Variants in PUDP observed in about 807,000 individuals in gnomAD.
PUDP encodes pseudouridine 5'-phosphatase, also known as pseudouridine-5'-phosphatase.
Under a neutral mutation model 9.4 loss-of-function variants are expected in PUDP, and 8 were observed. The ratio of observed to expected loss-of-function variants is 0.85; its 90% CI spans 0.50 to 1.53. The LOEUF is 1.53. Ranked by LOEUF, PUDP falls within the 40% of genes most tolerant of loss-of-function variation. The probability of loss-of-function intolerance (pLI) is 0.00; values close to 1 mark genes in which losing one functional copy is unlikely to be tolerated. For missense variants in PUDP, 188 were observed against 189.7 expected (o/e 0.99, Z 0.05); for synonymous variants, 99 against 80.7 (o/e 1.23, Z -1.22).
rs765241358 is a variant in PUDP at position 6,885,908 on chromosome X, G to A, written c.*247+91225C>T. ...CACTTTCCTTTAAGTTTGCTATCAAGTTGCTTTCTAAGAATGTATGGAGTG... is the reference window on the plus strand; with the variant it reads ...CACTTTCCTTTAAGTTTGCTATCAAATTGCTTTCTAAGAATGTATGGAGTG... On this transcript the variant is annotated intron_variant and NMD_transcript_variant, in intron 3 of 3. Transcript: ENST00000655425. Among the ~76,000 whole-genome samples, 124 of 112,669 alleles carry A rather than the reference G, an allele frequency of 1.1e-3. 1 individual carries two copies. The highest frequency in any genetic ancestry group is 3.9e-3 in the African/African-American group (120 of 31,119).
At chrX:6,897,032 G>A (rs1927602588) in intron 3 of PUDP, among the ~76,000 whole-genome samples, 1 of 111,589 alleles carries the variant, frequency 9.0e-6, no homozygotes, top group South Asian at 3.8e-4. Flanking sequence ...TGGTTTAGAT[G>A]TGTTGGGGTT....
At chrX:6,802,485 G>A (rs1316578054) in intron 3 of PUDP, among the ~76,000 whole-genome samples, 1 of 111,870 alleles carries the variant, frequency 8.9e-6, no homozygotes, top group Admixed American at 9.6e-5. Context: ...ACGTAATTTG[G>A]CTCTAGCCTC....
At chrX:6,765,492 A>C (rs1216604611) in intron 3 of PUDP, among the ~76,000 whole-genome samples, 1 of 112,192 alleles carries the variant, frequency 8.9e-6, no homozygotes, top group Non-Finnish European at 1.9e-5. Flanking sequence ...CAAATATTTT[A>C]ATTATGTCCA....
At chrX:6,830,511 G>T (rs1473756735) in intron 3 of PUDP, among the ~76,000 whole-genome samples, 1 of 111,849 alleles carries the variant, frequency 8.9e-6, no homozygotes, top group African/African-American at 3.2e-5. Context: ...ATGCCCAACC[G>T]GGAAGTCTAT....
intron 3 of PUDP, among the ~76,000 whole-genome samples, chrX:6,936,015 C>A: frequency 9.1e-6 from 1 of 110,264 alleles, no homozygotes; most frequent in Non-Finnish European, 1.9e-5. Context: ...CAAAAAGAGT[C>A]CAGGACCAGG....
intron 3 of PUDP, chrX:7,057,891 A>G (rs1930289723): frequency 1.3e-6 from 1 of 787,670 alleles, no homozygotes; most frequent in South Asian, 2.4e-5. Flanking sequence ...TAGGTTTTCA[A>G]GAGGGAAGGA....
At chrX:6,899,249 T>C (rs1407289801) in intron 3 of PUDP, among the ~76,000 whole-genome samples, 1 of 112,845 alleles carries the variant, frequency 8.9e-6, no homozygotes, top group Non-Finnish European at 1.9e-5. Context: ...GTCTTTGTTT[T>C]CCTGTCTATA....
chrX:7,067,659 G>C (rs1366922878), intron 3 of PUDP, among the ~76,000 whole-genome samples: 9 of 111,834 alleles, frequency 8.0e-5, no homozygotes, highest in Non-Finnish European at 1.5e-4. Context: ...GAGACTAAGT[G>C]TCAGTCAGGG....
chrX:6,919,599 T>C (rs1053807920), intron 3 of PUDP, among the ~76,000 whole-genome samples: 2 of 110,148 alleles, frequency 1.8e-5, no homozygotes, highest in Admixed American at 1.9e-4. Flanking sequence ...CAAAGACCCG[T>C]AGGTTTCTGA....
chrX:6,745,365 C>T (rs978927014), intron 3 of PUDP, among the ~76,000 whole-genome samples: 4 of 112,301 alleles, frequency 3.6e-5, no homozygotes, highest in Non-Finnish European at 5.6e-5. Context: ...ATGATAGTCC[C>T]ATGCCAGTAC....
At chrX:7,003,036 G>A (rs1929349177) in intron 1 of PUDP, among the ~76,000 whole-genome samples, 1 of 111,552 alleles carries the variant, frequency 9.0e-6, no homozygotes, top group South Asian at 3.9e-4. Flanking sequence ...CGTAGAAGAC[G>A]TAATGTCAAG....
At chrX:6,932,900 G>T (rs368793785) in intron 3 of PUDP, among the ~76,000 whole-genome samples, 1 of 110,513 alleles carries the variant, frequency 9.0e-6, no homozygotes, top group Non-Finnish European at 1.9e-5. Flanking sequence ...ACTGCAAGGC[G>T]GCAACGAGGC....
chrX:7,064,807 G>C (rs1366049497), intron 3 of PUDP, among the ~76,000 whole-genome samples: 1 of 111,804 alleles, frequency 8.9e-6, no homozygotes, highest in African/African-American at 3.3e-5. Context: ...TACAGAAAAC[G>C]TATTTTCTTA....
downstream of PUDP, among the ~76,000 whole-genome samples, chrX:7,047,951 T>C (rs1459002525): frequency 8.9e-6 from 1 of 112,541 alleles, no homozygotes; most frequent in Non-Finnish European, 1.9e-5. Context: ...AACTGCAGTG[T>C]CTAGACACTG....
At chrX:7,133,540 G>A (rs184940204) in intron 1 of PUDP, among the ~76,000 whole-genome samples, 24 of 112,164 alleles carry the variant, frequency 2.1e-4, no homozygotes, top group African/African-American at 6.8e-4. Flanking sequence ...CTAGCAGCAC[G>A]GACATCACTG....
intron 1 of PUDP, among the ~76,000 whole-genome samples, chrX:6,996,798 G>A (rs1410942170): frequency 9.3e-6 from 1 of 107,136 alleles, no homozygotes; most frequent in Non-Finnish European, 1.9e-5. Flanking sequence ...CTCCCAAGTA[G>A]GTGGGATTAC....
At chrX:6,836,473 G>A (rs1042644511) in intron 3 of PUDP, among the ~76,000 whole-genome samples, 3 of 112,028 alleles carry the variant, frequency 2.7e-5, no homozygotes, top group Non-Finnish European at 5.6e-5. Context: ...CCTTGCATTC[G>A]TTGCCTCATG....
intron 3 of PUDP, among the ~76,000 whole-genome samples, chrX:6,743,966 C>A (rs1924969489): frequency 9.0e-6 from 1 of 111,613 alleles, no homozygotes; most frequent in Admixed American, 9.5e-5. Flanking sequence ...ATGTAATATC[C>A]TAAGGCATTT....
At chrX:6,862,296 C>T (rs1215793442) in intron 3 of PUDP, among the ~76,000 whole-genome samples, 1 of 111,849 alleles carries the variant, frequency 8.9e-6, no homozygotes, top group Non-Finnish European at 1.9e-5. Context: ...GTCTTCTGTT[C>T]TGGCAATATG....
Sources: allele counts gnomAD v4.1 joint callset (sites outside exome capture counted in the v4.1 genomes callset), GRCh38; gene constraint gnomAD v4.1.1; transcripts MANE v1.5; gene names NCBI Gene and HGNC (gene_info 2026-07-23, HGNC 2026-07-21).